The following MB21D2 variants were observed in gnomAD, a reference collection of about 807,000 sequenced individuals.
MB21D2 encodes nucleotidyltransferase MB21D2.
A neutral mutation model predicts 33.3 loss-of-function variants in MB21D2; 9 were observed. The ratio of observed to expected loss-of-function variants is 0.27; its 90% CI spans 0.16 to 0.47. The LOEUF (loss-of-function observed/expected upper bound fraction) is 0.47. Among genes scored for constraint, MB21D2 ranks in the 20% least tolerant of loss-of-function variants. The pLI is 0.99. For missense variants in MB21D2, 540 were observed against 624.6 expected, an observed-to-expected ratio of 0.86 and a Z score of 1.44; for synonymous variants, 241 against 236.3, an observed-to-expected ratio of 1.02 and a Z score of -0.18.
At chr3:192,826,700 C>T (rs151210364) in intron 1 of MB21D2, among the ~76,000 whole-genome samples, 2 of 152,158 alleles carry the variant, frequency 1.3e-5, no homozygotes, top group African/African-American at 4.8e-5. Context: ...AGAATGCCCT[C>T]AGAGAGAATC....
chr3:192,852,157 A>G (rs559967905), intron 1 of MB21D2, among the ~76,000 whole-genome samples: 1 of 152,314 alleles, frequency 6.6e-6, no homozygotes, highest in Non-Finnish European at 1.5e-5. Flanking sequence ...CAGGGAGAGA[A>G]AATATGGGGC....
chr3:192,828,174 C>G (rs916837719), intron 1 of MB21D2, among the ~76,000 whole-genome samples: 1 of 152,016 alleles, frequency 6.6e-6, no homozygotes, highest in Non-Finnish European at 1.5e-5. Context: ...TCTTTATCAG[C>G]AGTGTGAAAA....
At chr3:192,876,906 G>A (rs758345634) in intron 1 of MB21D2, among the ~76,000 whole-genome samples, 7 of 152,224 alleles carry the variant, frequency 4.6e-5, no homozygotes, top group Middle Eastern at 3.4e-3. Flanking sequence ...TGTGGCACCC[G>A]CTATTTAATA....
Position 192,804,962 on chromosome 3 carries a change from T to C in MB21D2, c.212-5312A>G, listed in dbSNP as rs544011725. Among the ~76,000 whole-genome samples the C allele has an allele frequency of 2.0e-5, 3 of 152,298 alleles. No individual in the cohort carries two copies. In the South Asian group the frequency reaches 6.2e-4, roughly 32 times the overall value. On this transcript the variant is annotated intron_variant, in intron 1 of 1. Transcript: ENST00000392452. ...CCAGTTGGAAAAGATTTTAGGCCTT[T>C]CCTCGTTCATGCCCAGAAATCATCT...
At chr3:192,834,972 G>C (rs1364319717) in intron 1 of MB21D2, among the ~76,000 whole-genome samples, 4 of 151,144 alleles carry the variant, frequency 2.6e-5, no homozygotes, top group African/African-American at 9.7e-5. Flanking sequence ...ACCATGCCCA[G>C]CTAATTTTTG....
chr3:192,914,659 G>A lies in MB21D2; in HGVS notation c.211+2971C>T, dbSNP rs76384775. Among the ~76,000 whole-genome samples, 1,382 of 152,130 alleles carry A rather than the reference G, an allele frequency of 9.1e-3. 25 individuals carry two copies. The highest frequency in any genetic ancestry group is 0.032 in the African/African-American group (1,313 of 41,486). ...ACCAATCATTCTCCTAAAAGACCAA[G>A]GTACAGAGGAATAAGAAGTGAATCT... On this transcript the variant is annotated intron_variant, in intron 1 of 1. Transcript: ENST00000392452.
chr3:192,865,105 G>A (rs895407982), intron 1 of MB21D2, among the ~76,000 whole-genome samples: 5 of 152,216 alleles, frequency 3.3e-5, no homozygotes, highest in Non-Finnish European at 5.9e-5. Flanking sequence ...CTTCTCAACG[G>A]TGGAGGAGCA....
At chr3:192,856,504 C>T (rs1712919394) in intron 1 of MB21D2, among the ~76,000 whole-genome samples, 1 of 152,154 alleles carries the variant, frequency 6.6e-6, no homozygotes, top group South Asian at 2.1e-4. Flanking sequence ...CAGCACCTGG[C>T]ATTGCCCTTG....
chr3:192,881,855 C>A (rs1034375526), intron 1 of MB21D2, among the ~76,000 whole-genome samples: 1 of 152,126 alleles, frequency 6.6e-6, no homozygotes, highest in Non-Finnish European at 1.5e-5. Context: ...CTGTTCTTGT[C>A]CCCAAAAGTA....
At chr3:192,805,219 G>A (rs1711637503) in intron 1 of MB21D2, among the ~76,000 whole-genome samples, 1 of 152,160 alleles carries the variant, frequency 6.6e-6, no homozygotes, top group African/African-American at 2.4e-5. Context: ...GTGGGACCTG[G>A]GACAACTGGC....
At chr3:192,864,816 A>AT (rs1713133258) in intron 1 of MB21D2, among the ~76,000 whole-genome samples, 1 of 152,012 alleles carries the variant, frequency 6.6e-6, no homozygotes, top group African/African-American at 2.4e-5. Context: ...CCCAACTCCA[A>AT]TTTTTAAGAG....
Position 192,917,472 on chromosome 3 carries a change from AAAG to A in MB21D2, c.211+155_211+157del, listed in dbSNP as rs1306497965. On this transcript the variant is annotated intron_variant, in intron 1 of 1. Transcript: ENST00000392452. ...GCAGGCAGCTCGGCTTTCGGCGGAG[AAAG>A]AAGAGAGAGGCGGAACAGAGATGGC... Among the ~76,000 whole-genome samples the A allele has an allele frequency of 7.9e-5, 12 of 152,262 alleles. No homozygotes were observed. The East Asian group carries it at 2.1e-3, about 27-fold the overall frequency.
intron 1 of MB21D2, among the ~76,000 whole-genome samples, chr3:192,816,896 A>C (rs1032752210): frequency 1.3e-5 from 2 of 152,172 alleles, no homozygotes; most frequent in Admixed American, 1.3e-4. Context: ...TGGGGGTAAT[A>C]TCATCTTTCT....
chr3:192,842,659 G>C (rs1712599732), intron 1 of MB21D2, among the ~76,000 whole-genome samples: 1 of 152,152 alleles, frequency 6.6e-6, no homozygotes, highest in Non-Finnish European at 1.5e-5. Flanking sequence ...TTATAACACT[G>C]ACAGGTCTGA....
chr3:192,830,806 A>G (rs1712299266), intron 1 of MB21D2, among the ~76,000 whole-genome samples: 1 of 152,210 alleles, frequency 6.6e-6, no homozygotes, highest in Admixed American at 6.5e-5. Context: ...AATGAATCAG[A>G]ATCTGTGCTT....
intron 1 of MB21D2, among the ~76,000 whole-genome samples, chr3:192,888,745 T>C (rs1436836441): frequency 1.6e-5 from 2 of 128,544 alleles, no homozygotes; most frequent in Non-Finnish European, 3.4e-5. Flanking sequence ...GTCACTAAGG[T>C]ATTTTATTTA....
chr3:192,892,235 C>T (rs879841599), intron 1 of MB21D2, among the ~76,000 whole-genome samples: 13 of 152,194 alleles, frequency 8.5e-5, no homozygotes, highest in Middle Eastern at 3.2e-3. Flanking sequence ...TGCTTTCACA[C>T]CCAGCAGGCT....
chr3:192,842,622 T>C (rs1284758034), intron 1 of MB21D2, among the ~76,000 whole-genome samples: 3 of 152,110 alleles, frequency 2.0e-5, no homozygotes, highest in Non-Finnish European at 4.4e-5. Context: ...ATGGAAGTAA[T>C]ACAGAGAAAA....
chr3:192,817,176 G>A (rs948930856), intron 1 of MB21D2, among the ~76,000 whole-genome samples: 1 of 152,134 alleles, frequency 6.6e-6, no homozygotes, highest in Admixed American at 6.5e-5. Flanking sequence ...ATGTAGTCAT[G>A]TGGTTCAACA....
Sources: allele counts gnomAD v4.1 joint callset (sites outside exome capture counted in the v4.1 genomes callset), GRCh38; gene constraint gnomAD v4.1.1; transcripts MANE v1.5; gene names NCBI Gene and HGNC (gene_info 2026-07-23, HGNC 2026-07-21).